The following CMSS1 variants were observed in gnomAD, a reference collection of about 807,000 sequenced individuals.
CMSS1 encodes protein CMSS1.
In CMSS1, 33 loss-of-function variants were observed where a neutral mutation model predicts 43.5. That is an observed-to-expected ratio of 0.76 (90% CI 0.57 to 1.01). The LOEUF (loss-of-function observed/expected upper bound fraction) is 1.01, where lower values mean the gene tolerates loss of function less well. Ranked by LOEUF, CMSS1 falls within the 50% of genes least tolerant of loss-of-function variation. CMSS1 has a pLI of 0.00. For missense variants in CMSS1, 313 were observed against 326.4 expected (o/e 0.96, Z 0.32); for synonymous variants, 115 against 117.2 (o/e 0.98, Z 0.12).
intron 1 of CMSS1, among the ~76,000 whole-genome samples, chr3:99,851,754 A>G (rs1943708866): frequency 6.6e-6 from 1 of 152,222 alleles, no homozygotes; most frequent in Non-Finnish European, 1.5e-5. Flanking sequence ...CTTAGAAGTT[A>G]TGCACTTCAC....
At chr3:100,110,790 T>C (rs1210275271) in intron 1 of CMSS1, among the ~76,000 whole-genome samples, 1 of 152,180 alleles carries the variant, frequency 6.6e-6, no homozygotes, top group African/African-American at 2.4e-5. Context: ...GATAAACTGC[T>C]TCTTCACAAC....
Position 100,167,766 on chromosome 3 carries a change from G to T in CMSS1, c.444G>T (p.Lys148Asn), listed in dbSNP as rs773047495. 86 of 1,613,086 alleles carry T rather than the reference G, an allele frequency of 5.3e-5. No homozygotes were observed. In the South Asian group the frequency reaches 8.4e-4, roughly 16 times the overall value. The change falls in exon 6 of 10, where the codon AAG becomes AAT. Residue 148 changes from lysine to asparagine, a missense_variant. By Grantham distance (94) the Lys-to-Asn change is moderately conservative (BLOSUM62 0). Coordinates refer to ENST00000421999, the MANE Select transcript of CMSS1 (RefSeq NM_032359.4). Reference sequence around the variant, plus strand: ...GTCCTAAGTGGGTAAAACTTAGGAAGAACCACAGTGAGAAGAAATCGGTCC... The same window carrying T: ...GTCCTAAGTGGGTAAAACTTAGGAATAACCACAGTGAGAAGAAATCGGTCC... Reference protein sequence around the residue: ...EICPKWVKLRKNHSEKKSVLM... With the variant: ...EICPKWVKLRNNHSEKKSVLM...
intron 1 of CMSS1, among the ~76,000 whole-genome samples, chr3:99,846,680 G>A (rs1386181205): frequency 6.6e-6 from 1 of 152,176 alleles, no homozygotes; most frequent in Non-Finnish European, 1.5e-5. Flanking sequence ...TCGTCACCAT[G>A]GAAGTGTTTC....
In CMSS1 at chr3:100,181,195, C is replaced by T. The variant is rs1218719123; in HGVS notation, c.*2807C>T. ...AAACTTGGGTGGGGACACAGCCAAA[C>T]CACATCAGCAGGGTAGTGGTAGAAA... is the stretch of plus-strand genomic sequence containing the variant. On this transcript the variant is annotated 3_prime_UTR_variant, in exon 10 of 10. Transcript: ENST00000421999. 1 of 152,208 alleles carries T rather than the reference C, an allele frequency of 6.6e-6. No homozygotes were observed. Among genetic ancestry groups the T allele is most frequent in the Non-Finnish European group, 1.5e-5 (1 of 68,046 alleles). The allele number at this position is 152,208 out of a possible 1,614,324, so 9.4% of individuals were successfully genotyped here.
chr3:99,969,966 G>A (rs957370220), intron 1 of CMSS1, among the ~76,000 whole-genome samples: 1 of 152,178 alleles, frequency 6.6e-6, no homozygotes, highest in African/African-American at 2.4e-5. Flanking sequence ...AACAAATGAG[G>A]CTGTTACATC....
At chr3:100,005,669 C>G (rs1249178807) in intron 1 of CMSS1, among the ~76,000 whole-genome samples, 1 of 152,146 alleles carries the variant, frequency 6.6e-6, no homozygotes, top group Non-Finnish European at 1.5e-5. Context: ...ATTTATAAGC[C>G]TCTTTGAAAC....
intron 1 of CMSS1, among the ~76,000 whole-genome samples, chr3:99,899,706 A>T (rs1339755306): frequency 6.6e-6 from 1 of 152,182 alleles, no homozygotes; most frequent in African/African-American, 2.4e-5. Context: ...TTGTGATTCC[A>T]TTATGGTCCA....
At chr3:100,156,490 G>T (rs1380023116) in intron 2 of CMSS1, among the ~76,000 whole-genome samples, 1 of 150,786 alleles carries the variant, frequency 6.6e-6, no homozygotes, top group Non-Finnish European at 1.5e-5. Flanking sequence ...TGTATTTTTA[G>T]TACAGACGGG....
chr3:100,093,423 T>A (rs2066147445), intron 1 of CMSS1, among the ~76,000 whole-genome samples: 1 of 152,144 alleles, frequency 6.6e-6, no homozygotes, highest in Admixed American at 6.5e-5. Context: ...ACTTACATTA[T>A]TTTTCTTACA....
chr3:100,132,196 G>A (rs2066714297), intron 1 of CMSS1, among the ~76,000 whole-genome samples: 1 of 151,484 alleles, frequency 6.6e-6, no homozygotes, highest in African/African-American at 2.4e-5. Context: ...AAGGCCAGGA[G>A]CTCAAGACCA....
chr3:100,172,517 C>A, intron 8 of CMSS1, 114 bp downstream of exon 8: 1 of 749,656 alleles, frequency 1.3e-6, no homozygotes, highest in Non-Finnish European at 2.2e-6. Context: ...TGTGTTAATT[C>A]AGGAATTGGA....
At chr3:100,137,718 A>T (rs937625943) in intron 1 of CMSS1, among the ~76,000 whole-genome samples, 3 of 151,982 alleles carry the variant, frequency 2.0e-5, no homozygotes, top group Non-Finnish European at 4.4e-5. Context: ...GCCCGCCACC[A>T]TGCCCGGCTA....
intron 1 of CMSS1, among the ~76,000 whole-genome samples, chr3:100,013,214 G>GTGTTGTTGTTGTTGT (rs35047568): frequency 1.6e-4 from 24 of 145,520 alleles, no homozygotes; most frequent in South Asian, 4.6e-4. Flanking sequence ...GGCCAGTGAG[G>GTGTTGTTGTTGTTGT]TGTTGTTGTT....
intron 6 of CMSS1, among the ~76,000 whole-genome samples, chr3:100,168,464 G>C (rs1321729392): frequency 6.6e-6 from 1 of 152,064 alleles, no homozygotes; most frequent in Non-Finnish European, 1.5e-5. Flanking sequence ...GGAGGCTGAG[G>C]TGGGAGAACT....
chr3:99,936,275 A>G (rs1384825130), intron 1 of CMSS1, among the ~76,000 whole-genome samples: 1 of 151,250 alleles, frequency 6.6e-6, no homozygotes, highest in Non-Finnish European at 1.5e-5. Context: ...GGTAGCTAAC[A>G]TGTATTCATT....
At chr3:99,838,486 G>C (rs1435164857) in intron 1 of CMSS1, among the ~76,000 whole-genome samples, 1 of 152,208 alleles carries the variant, frequency 6.6e-6, no homozygotes, top group African/African-American at 2.4e-5. Context: ...GGAGGAGAAA[G>C]CCCTGCATAT....
At chr3:100,073,136 G>C (rs999983434) in intron 1 of CMSS1, among the ~76,000 whole-genome samples, 1 of 152,134 alleles carries the variant, frequency 6.6e-6, no homozygotes, top group African/African-American at 2.4e-5. Context: ...TTATATTATA[G>C]AACAGGGGAG....
rs554028697 is a variant in CMSS1, at chr3:99,887,911, T to C, written c.64+69868T>C. Among the ~76,000 whole-genome samples, 5 of 152,090 alleles carry C rather than the reference T, an allele frequency of 3.3e-5. No individual in the cohort carries two copies. The South Asian group carries it at 1.0e-3, about 32-fold the overall frequency. On this transcript the variant is annotated intron_variant, in intron 1 of 9. Transcript: ENST00000421999. ...TGTGCACCACCACACCTGGCTAATT[T>C]TTTTTTTCCATAAAGATGGGGTTTT...
At chr3:99,984,869 A>G (rs933782703) in intron 1 of CMSS1, among the ~76,000 whole-genome samples, 10 of 152,232 alleles carry the variant, frequency 6.6e-5, no homozygotes, top group South Asian at 2.1e-4. Flanking sequence ...AAAGCACAGT[A>G]TATAGATATT....
Sources: gnomAD v4.1 joint callset for allele counts (sites outside exome capture counted in the v4.1 genomes callset) on GRCh38, gnomAD v4.1.1 for gene constraint, MANE v1.5 for transcripts, NCBI Gene and HGNC (gene_info 2026-07-23, HGNC 2026-07-21) for gene names.